Variants in SDK1 observed in about 807,000 individuals in gnomAD.
The protein encoded by SDK1 is sidekick cell adhesion molecule 1, also known as protein sidekick-1.
In SDK1, 157 loss-of-function variants were observed where a neutral mutation model predicts 245.5. The observed-to-expected ratio is 0.64, with a 90% confidence interval of 0.56 to 0.73. The LOEUF is 0.73. Ranked by LOEUF, SDK1 falls within the 30% of genes least tolerant of loss-of-function variation. The pLI is 0.00. For synonymous variants in SDK1, 1,647 were observed against 1,278.5 expected, an observed-to-expected ratio of 1.29 and a Z score of -6.15; for missense variants, 3,583 against 3,002.3, an observed-to-expected ratio of 1.19 and a Z score of -4.52.
chr7:3,967,464 T>C, intron 10 of SDK1, 30 bp downstream of exon 10: 1 of 1,362,230 alleles, frequency 7.3e-7, no homozygotes, highest in East Asian at 2.3e-5. Flanking sequence ...CACAACAGCA[T>C]GGCCCATGTA....
chr7:3,861,210 C>G (rs1397482502), intron 5 of SDK1, among the ~76,000 whole-genome samples: 1 of 152,114 alleles, frequency 6.6e-6, no homozygotes, highest in Non-Finnish European at 1.5e-5. Context: ...ATTAAAGAGC[C>G]TATTATGTAG....
chr7:3,534,731 T>C (rs1350159135), intron 1 of SDK1, among the ~76,000 whole-genome samples: 1 of 152,214 alleles, frequency 6.6e-6, no homozygotes, highest in Non-Finnish European at 1.5e-5. Flanking sequence ...GGTATGGAAG[T>C]CCTCAGTAAG....
At chr7:3,949,041 C>T (rs889502196) in intron 5 of SDK1, among the ~76,000 whole-genome samples, 31 of 152,272 alleles carry the variant, frequency 2.0e-4, no homozygotes, top group African/African-American at 7.0e-4. Context: ...TTTGCCCCAT[C>T]GTGAGTGCAT....
chr7:3,527,537 T>A (rs1783184157), intron 1 of SDK1, among the ~76,000 whole-genome samples: 1 of 152,132 alleles, frequency 6.6e-6, no homozygotes, highest in Admixed American at 6.5e-5. Context: ...GCCTGGATGA[T>A]AGTTGGCTAG....
At chr7:3,540,702 C>T (rs1373904089) in intron 1 of SDK1, among the ~76,000 whole-genome samples, 1 of 152,192 alleles carries the variant, frequency 6.6e-6, no homozygotes, top group African/African-American at 2.4e-5. Context: ...GTCTGTGACA[C>T]TGGTATCACT....
intron 14 of SDK1, among the ~76,000 whole-genome samples, chr7:4,001,487 C>A (rs566003653): frequency 6.6e-6 from 1 of 152,316 alleles, no homozygotes; most frequent in Admixed American, 6.5e-5. Flanking sequence ...GCCACAGTGC[C>A]CTGGATGTAA....
chr7:3,834,779 G>A (rs1318075821), intron 5 of SDK1, among the ~76,000 whole-genome samples: 1 of 152,178 alleles, frequency 6.6e-6, no homozygotes, highest in South Asian at 2.1e-4. Context: ...CGGGAAGAGT[G>A]CATGACGAGT....
At chr7:3,949,147 G>A (rs747290608) in intron 5 of SDK1, among the ~76,000 whole-genome samples, 4 of 152,216 alleles carry the variant, frequency 2.6e-5, no homozygotes, top group Non-Finnish European at 4.4e-5. Flanking sequence ...TTCCGGAGAA[G>A]CTTCGAGGGT....
chr7:3,324,216 G>C (rs1779887535), intron 1 of SDK1, among the ~76,000 whole-genome samples: 1 of 152,042 alleles, frequency 6.6e-6, no homozygotes, highest in African/African-American at 2.4e-5. Context: ...AGATTGTTTT[G>C]ATTGTAAGAA....
At chr7:3,787,588 G>C (rs1490313087) in intron 4 of SDK1, among the ~76,000 whole-genome samples, 1 of 152,086 alleles carries the variant, frequency 6.6e-6, no homozygotes, top group Non-Finnish European at 1.5e-5. Flanking sequence ...GATTCCTAAA[G>C]TACCATTTTA....
intron 32 of SDK1, 89 bp downstream of exon 32, chr7:4,161,945 C>T (rs918543211): frequency 8.2e-5 from 94 of 1,152,260 alleles, no homozygotes; most frequent in Non-Finnish European, 1.2e-4. Flanking sequence ...GGACTGCAAG[C>T]TGAGCCCTGA....
intron 34 of SDK1, among the ~76,000 whole-genome samples, chr7:4,176,308 C>T (rs561086244): frequency 3.3e-5 from 5 of 152,120 alleles, no homozygotes; most frequent in African/African-American, 1.2e-4. Context: ...ACTATAGGCT[C>T]ATGCAACCAT....
At chr7:3,418,946 C>T (rs1779460136) in intron 1 of SDK1, among the ~76,000 whole-genome samples, 1 of 152,182 alleles carries the variant, frequency 6.6e-6, no homozygotes, top group South Asian at 2.1e-4. Context: ...AGTGAGGTAG[C>T]TTTCTGTTAG....
chr7:4,161,488 A>G (rs2128212440), intron 31 of SDK1, among the ~76,000 whole-genome samples: 1 of 152,294 alleles, frequency 6.6e-6, no homozygotes, highest in Non-Finnish European at 1.5e-5. Flanking sequence ...GTCTCGAGCC[A>G]GAGAGCTCCA....
At chr7:3,848,091 A>C (rs1377929225) in intron 5 of SDK1, among the ~76,000 whole-genome samples, 3 of 152,264 alleles carry the variant, frequency 2.0e-5, no homozygotes, top group East Asian at 3.8e-4. Flanking sequence ...AGTGACCATA[A>C]ACTTAAAAAA....
chr7:3,564,717 G>A (rs1386915517), intron 1 of SDK1, among the ~76,000 whole-genome samples: 2 of 152,098 alleles, frequency 1.3e-5, no homozygotes, highest in South Asian at 2.1e-4. Flanking sequence ...GGAGAAAGTA[G>A]TCAAAAGCTT....
chr7:4,090,740 G>T (rs1781735355), intron 22 of SDK1, among the ~76,000 whole-genome samples: 1 of 152,172 alleles, frequency 6.6e-6, no homozygotes, highest in African/African-American at 2.4e-5. Context: ...AGGCAGTAGT[G>T]TGCTCATTGC....
chr7:3,587,830 C>T (rs937415555), intron 1 of SDK1, among the ~76,000 whole-genome samples: 3 of 152,364 alleles, frequency 2.0e-5, no homozygotes, highest in African/African-American at 7.2e-5. Context: ...CTCTCCACAT[C>T]TAAATTGTAA....
At chr7:3,508,846 A>G (rs963511453) in intron 1 of SDK1, among the ~76,000 whole-genome samples, 3 of 152,218 alleles carry the variant, frequency 2.0e-5, no homozygotes, top group African/African-American at 4.8e-5. Context: ...TAGGTGCTCA[A>G]TAAGTATTTG....
Sources: gnomAD v4.1 joint callset for allele counts (sites outside exome capture counted in the v4.1 genomes callset) on GRCh38, gnomAD v4.1.1 for gene constraint, MANE v1.5 for transcripts, NCBI Gene and HGNC (gene_info 2026-07-23, HGNC 2026-07-21) for gene names.